LUZP2: variants seen among roughly 807,000 people sequenced by gnomAD.
LUZP2 encodes the protein leucine zipper protein 2.
Under a neutral mutation model 51.6 loss-of-function variants are expected in LUZP2, and 52 were observed. That is an observed-to-expected ratio of 1.01 (90% CI 0.81 to 1.27). The LOEUF (loss-of-function observed/expected upper bound fraction) is 1.27. Among genes scored for constraint, LUZP2 ranks in the 50% most tolerant of loss-of-function variants. LUZP2 has a pLI of 0.00. For synonymous variants in LUZP2, 154 were observed against 137.3 expected, an observed-to-expected ratio of 1.12 and a Z score of -0.85; for missense variants, 436 against 395.4, an observed-to-expected ratio of 1.10 and a Z score of -0.87.
rs981404445 is a variant in LUZP2, at chr11:25,016,935, A to T, written c.766-33103A>T. Among the ~76,000 whole-genome samples, 20 of 150,272 alleles carry T rather than the reference A, an allele frequency of 1.3e-4. 2 individuals carry two copies. Among genetic ancestry groups the T allele is most frequent in the East Asian group, 9.7e-4 (5 of 5,132 alleles). ...TTTTCATCACTTCCTTGCCGACATC[A>T]TTTTTTTTTTACTTTTTAGTAATGG... On this transcript the variant is annotated intron_variant, in intron 9 of 11. Coordinates refer to ENST00000336930, the MANE Select transcript of LUZP2 (RefSeq NM_001009909.4).
rs1245974451 is a variant in LUZP2, at chr11:24,926,577, GTA to G, written c.522+12047_522+12048del. Among the ~76,000 whole-genome samples, 187 of 145,860 alleles carry G rather than the reference GTA, an allele frequency of 1.3e-3. 2 individuals carry two copies. The highest frequency in any genetic ancestry group is 4.3e-3 in the African/African-American group (169 of 39,546). On this transcript the variant is annotated intron_variant, in intron 7 of 11. Transcript: ENST00000336930. ...TATATGTGTGTGTATATATATACGTGTATATATATGTGTGTATATATATGTGT... is the reference window on the plus strand; with the variant it reads ...TATATGTGTGTGTATATATATACGTGTATATATGTGTGTATATATATGTGT...
chr11:24,806,960 A>T (rs529194893), intron 5 of LUZP2, among the ~76,000 whole-genome samples: 8 of 149,678 alleles, frequency 5.3e-5, no homozygotes, highest in Non-Finnish European at 1.0e-4. Flanking sequence ...TAGTTCATTA[A>T]CATTTTTATT....
chr11:24,770,264 G>GTCTAGGAATTATTAGACAAA (rs1216467063), intron 5 of LUZP2, among the ~76,000 whole-genome samples: 1 of 152,154 alleles, frequency 6.6e-6, no homozygotes, highest in Non-Finnish European at 1.5e-5. Context: ...TAATATATAA[G>GTCTAGGAATTATTAGACAAA]TCTAGGAATT....
chr11:24,507,133 T>C (rs990681979), intron 1 of LUZP2, among the ~76,000 whole-genome samples: 8 of 152,124 alleles, frequency 5.3e-5, no homozygotes, highest in African/African-American at 1.7e-4. Flanking sequence ...AGTATGCTCC[T>C]CATTCTAATT....
At chr11:24,528,227 G>A (rs925153849) in intron 1 of LUZP2, among the ~76,000 whole-genome samples, 2 of 150,894 alleles carry the variant, frequency 1.3e-5, no homozygotes, top group Non-Finnish European at 3.0e-5. Context: ...ACATTAATAG[G>A]CAATCAACAA....
At chr11:25,056,495 C>T (rs1212372762) in intron 10 of LUZP2, among the ~76,000 whole-genome samples, 1 of 152,080 alleles carries the variant, frequency 6.6e-6, no homozygotes, top group Non-Finnish European at 1.5e-5. Flanking sequence ...GTTGGTCATA[C>T]CTGAGACTGA....
Position 24,900,447 on chromosome 11 carries a change from A to T in LUZP2, c.397-5544A>T, listed in dbSNP as rs544359426. ...CCTTGCAGCATGTTTGTTTATGTAT[A>T]TGCAGATTTCCATTCATCTAAAGAC... On this transcript the variant is annotated intron_variant, in intron 5 of 11. Coordinates refer to ENST00000336930, the MANE Select transcript of LUZP2 (RefSeq NM_001009909.4). 4.6e-5 allele frequency among the ~76,000 whole-genome samples: 7 copies of T among 152,264 alleles called. No individual in the cohort carries two copies. The South Asian group carries it at 1.4e-3, about 32-fold the overall frequency.
chr11:24,617,758 T>C (rs1454911949), intron 1 of LUZP2, among the ~76,000 whole-genome samples: 1 of 151,838 alleles, frequency 6.6e-6, no homozygotes, highest in Non-Finnish European at 1.5e-5. Flanking sequence ...GAGGTGGAGG[T>C]TGCAGTGCAG....
chr11:25,048,280 G>A (rs1375312627), intron 9 of LUZP2, among the ~76,000 whole-genome samples: 1 of 152,088 alleles, frequency 6.6e-6, no homozygotes, highest in Non-Finnish European at 1.5e-5. Context: ...TCCTTCACCT[G>A]GATGGCCTCC....
chr11:24,656,281 T>A (rs1258247462), intron 1 of LUZP2, among the ~76,000 whole-genome samples: 2 of 152,162 alleles, frequency 1.3e-5, no homozygotes. Flanking sequence ...TCTAGTGCTA[T>A]GTAATAAATT....
intron 5 of LUZP2, among the ~76,000 whole-genome samples, chr11:24,861,979 C>T (rs1851757085): frequency 6.6e-6 from 1 of 152,100 alleles, no homozygotes; most frequent in Non-Finnish European, 1.5e-5. Context: ...GGTCAGAGAA[C>T]AGTTGCCTTC....
intron 7 of LUZP2, among the ~76,000 whole-genome samples, chr11:24,941,003 T>C (rs1590755437): frequency 6.6e-6 from 1 of 152,202 alleles, no homozygotes; most frequent in East Asian, 1.9e-4. Context: ...TAAAGTATTT[T>C]TCCCTCTTTT....
At chr11:24,961,134 T>C (rs981426061) in intron 7 of LUZP2, among the ~76,000 whole-genome samples, 1 of 152,194 alleles carries the variant, frequency 6.6e-6, no homozygotes, top group African/African-American at 2.4e-5. Flanking sequence ...ATTTCTGTTC[T>C]TTTACATTTG....
intron 1 of LUZP2, among the ~76,000 whole-genome samples, chr11:24,643,808 A>G (rs1213462050): frequency 6.6e-6 from 1 of 152,146 alleles, no homozygotes; most frequent in Non-Finnish European, 1.5e-5. Context: ...TCTTTATAAG[A>G]GTTTCTTCAT....
intron 9 of LUZP2, among the ~76,000 whole-genome samples, chr11:25,003,900 G>A (rs1434941420): frequency 6.6e-6 from 1 of 152,164 alleles, no homozygotes; most frequent in Non-Finnish European, 1.5e-5. Flanking sequence ...AAAGGCATGT[G>A]AAAAGAGCAA....
At chr11:24,756,962 A>G (rs952002946) in intron 4 of LUZP2, among the ~76,000 whole-genome samples, 40 of 152,294 alleles carry the variant, frequency 2.6e-4, no homozygotes, top group African/African-American at 9.6e-4. Context: ...ACTCGAGGAA[A>G]CATCTACATT....
intron 7 of LUZP2, among the ~76,000 whole-genome samples, chr11:24,961,846 T>A (rs1471853039): frequency 6.6e-6 from 1 of 151,064 alleles, no homozygotes; most frequent in Non-Finnish European, 1.5e-5. Flanking sequence ...CTAGTCTTGA[T>A]GGTCTTTACA....
chr11:24,717,616 C>G (rs1470237680), intron 1 of LUZP2, among the ~76,000 whole-genome samples: 1 of 151,470 alleles, frequency 6.6e-6, no homozygotes, highest in South Asian at 2.1e-4. Context: ...AGGGTTTCAC[C>G]GTGTTACCCA....
intron 1 of LUZP2, among the ~76,000 whole-genome samples, chr11:24,724,974 C>G (rs748197187): frequency 6.6e-6 from 1 of 152,138 alleles, no homozygotes; most frequent in Non-Finnish European, 1.5e-5. Context: ...TAAAAACATA[C>G]TGGCATAATA....
Sources: gnomAD v4.1 joint callset for allele counts (sites outside exome capture counted in the v4.1 genomes callset) on GRCh38, gnomAD v4.1.1 for gene constraint, MANE v1.5 for transcripts, NCBI Gene and HGNC (gene_info 2026-07-23, HGNC 2026-07-21) for gene names.